The following BTBD9 variants were observed in gnomAD, a reference collection of about 807,000 sequenced individuals.
The protein encoded by BTBD9 is BTB domain containing 9.
BTBD9 carries 49 observed loss-of-function variants against 64.3 expected under a neutral mutation model. The observed-to-expected ratio is 0.76, with a 90% CI of 0.61 to 0.97. The LOEUF (loss-of-function observed/expected upper bound fraction) is 0.97, where lower values mean the gene tolerates loss of function less well. Ranked by LOEUF, BTBD9 falls within the 50% of genes least tolerant of loss-of-function variation. The pLI is 0.00. For synonymous variants in BTBD9, 260 were observed against 274.7 expected, an observed-to-expected ratio of 0.95 and a Z score of 0.53; for missense variants, 598 against 762.1, an observed-to-expected ratio of 0.78 and a Z score of 2.53.
intron 6 of BTBD9, among the ~76,000 whole-genome samples, chr6:38,506,343 A>T (rs1235763467): frequency 1.3e-5 from 2 of 152,242 alleles, no homozygotes; most frequent in East Asian, 3.9e-4. Flanking sequence ...CAGTTGGGCA[A>T]AATCATCTAA....
chr6:38,594,479 G>T, intron 2 of BTBD9, 152 bp from the exon 3 acceptor site: 1 of 893,492 alleles, frequency 1.1e-6, no homozygotes. Context: ...ATTTAAAATG[G>T]TTCTTTACAG....
chr6:38,275,743 A>G (rs1761210553), intron 8 of BTBD9, among the ~76,000 whole-genome samples: 1 of 152,230 alleles, frequency 6.6e-6, no homozygotes, highest in African/African-American at 2.4e-5. Flanking sequence ...AAACACATGA[A>G]AAAATGCTCA....
At chr6:38,557,493 G>A (rs934013834) in intron 6 of BTBD9, among the ~76,000 whole-genome samples, 1 of 152,164 alleles carries the variant, frequency 6.6e-6, no homozygotes, top group Non-Finnish European at 1.5e-5. Context: ...TACAATAGTT[G>A]GACAATAATA....
chr6:38,536,303 T>C lies in BTBD9; in HGVS notation c.1154+41297A>G, dbSNP rs192864373. ...TCATCTCATCCCAGTTAAAATGGCT[T>C]TTATCCAAAAGACAGGCAATAATAA... On this transcript the variant is annotated intron_variant, in intron 6 of 10. Transcript: ENST00000481247. 2.3e-3 allele frequency among the ~76,000 whole-genome samples: 354 copies of C among 152,210 alleles called. 2 individuals are homozygous for C. Among genetic ancestry groups the C allele is most frequent in the African/African-American group, 8.2e-3 (340 of 41,548 alleles).
chr6:38,457,133 G>T (rs1003323563), intron 6 of BTBD9, among the ~76,000 whole-genome samples: 6 of 152,166 alleles, frequency 3.9e-5, no homozygotes, highest in African/African-American at 1.2e-4. Flanking sequence ...TCAGTCATGG[G>T]GGCAGAATGA....
chr6:38,529,777 T>G (rs371256881), intron 6 of BTBD9, among the ~76,000 whole-genome samples: 285 of 152,354 alleles, frequency 1.9e-3, no homozygotes, highest in African/African-American at 6.4e-3. Context: ...TCAGGACCAC[T>G]ATGATAATTG....
intron 9 of BTBD9, among the ~76,000 whole-genome samples, chr6:38,220,740 G>A (rs1157801003): frequency 1.3e-5 from 2 of 152,224 alleles, no homozygotes; most frequent in Non-Finnish European, 2.9e-5. Flanking sequence ...CACTAAAAAT[G>A]CAGCCGAAAG....
chr6:38,384,770 G>A (rs944350881), intron 6 of BTBD9, among the ~76,000 whole-genome samples: 3 of 152,192 alleles, frequency 2.0e-5, no homozygotes, highest in Non-Finnish European at 4.4e-5. Flanking sequence ...CCTCTAGGGT[G>A]CACAGGGAAT....
chr6:38,547,291 G>A (rs538867991), intron 6 of BTBD9, among the ~76,000 whole-genome samples: 104 of 152,298 alleles, frequency 6.8e-4, no homozygotes, highest in African/African-American at 2.4e-3. Context: ...TTAGCTGGGC[G>A]TGGTGGCACA....
intron 4 of BTBD9, chr6:38,588,326 C>G: frequency 1.0e-6 from 1 of 981,082 alleles, no homozygotes; most frequent in South Asian, 1.3e-5. Flanking sequence ...ATTTATACTA[C>G]CCAAACTTTT....
At chr6:38,521,703 T>C (rs1773278137) in intron 6 of BTBD9, among the ~76,000 whole-genome samples, 1 of 152,034 alleles carries the variant, frequency 6.6e-6, no homozygotes, top group Admixed American at 6.6e-5. Context: ...AAATGGAGTT[T>C]TGCTCTTGTC....
intron 6 of BTBD9, among the ~76,000 whole-genome samples, chr6:38,400,406 A>C (rs1391569511): frequency 6.6e-6 from 1 of 152,134 alleles, no homozygotes; most frequent in African/African-American, 2.4e-5. Context: ...TGCTCTACTG[A>C]AACTAATCTG....
chr6:38,527,263 CAAAAAAAAAAAAAAAAAAAA>C (rs55979438), intron 6 of BTBD9, among the ~76,000 whole-genome samples: 8 of 53,338 alleles, frequency 1.5e-4, no homozygotes, highest in East Asian at 7.0e-4. Flanking sequence ...GACTCTGTCT[CAAAAAAAAAAAAAAAAAAAA>C]AAAAAAAAAA....
chr6:38,390,714 C>T (rs937952548), intron 6 of BTBD9, among the ~76,000 whole-genome samples: 1 of 152,232 alleles, frequency 6.6e-6, no homozygotes, highest in Non-Finnish European at 1.5e-5. Flanking sequence ...TAAACTGATA[C>T]ATGGCTCCAC....
chr6:38,617,157 C>T lies in BTBD9; in HGVS notation c.-27-19036G>A, dbSNP rs111345482. On this transcript the variant is annotated intron_variant, in intron 1 of 10. Transcript: ENST00000481247. ...GGCTCTCTAACAACCCTTGCCTCTT[C>T]GGAGTCGGGAGCGTTGCTTTGCCTG... Among the ~76,000 whole-genome samples the T allele has an allele frequency of 5.8e-3, 887 of 152,252 alleles. 22 individuals are homozygous for T. The highest frequency in any genetic ancestry group is 0.02 in the African/African-American group (848 of 41,554).
At chr6:38,548,923 C>G (rs144318718) in intron 6 of BTBD9, among the ~76,000 whole-genome samples, 1 of 152,162 alleles carries the variant, frequency 6.6e-6, no homozygotes, top group African/African-American at 2.4e-5. Flanking sequence ...AAATCAATAA[C>G]TGCAGAAAGG....
chr6:38,223,256 T>C (rs942588483), intron 9 of BTBD9, among the ~76,000 whole-genome samples: 1 of 152,308 alleles, frequency 6.6e-6, no homozygotes, highest in South Asian at 2.1e-4. Context: ...AGCATCTTAA[T>C]AGTCAATCCC....
intron 6 of BTBD9, among the ~76,000 whole-genome samples, chr6:38,371,017 G>A (rs1051324778): frequency 2.0e-5 from 3 of 152,142 alleles, no homozygotes; most frequent in African/African-American, 7.2e-5. Context: ...TCTCATCTGA[G>A]AATTTTTTTC....
intron 4 of BTBD9, among the ~76,000 whole-genome samples, chr6:38,581,040 A>G (rs1282901806): frequency 6.6e-6 from 1 of 152,172 alleles, no homozygotes; most frequent in Non-Finnish European, 1.5e-5. Flanking sequence ...TAACAATACA[A>G]AATTAGCCAG....
Sources: gnomAD v4.1 joint callset for allele counts (sites outside exome capture counted in the v4.1 genomes callset) on GRCh38, gnomAD v4.1.1 for gene constraint, MANE v1.5 for transcripts, NCBI Gene and HGNC (gene_info 2026-07-23, HGNC 2026-07-21) for gene names.